The following ABLIM2 variants were observed in gnomAD, a reference collection of about 807,000 sequenced individuals.
ABLIM2 encodes the protein actin-binding LIM protein 2.
In ABLIM2, 53 loss-of-function variants were observed where a neutral mutation model predicts 97.7. The ratio of observed to expected loss-of-function variants is 0.54; its 90% CI spans 0.44 to 0.68. ABLIM2 has a LOEUF of 0.68. Among genes scored for constraint, ABLIM2 ranks in the 30% least tolerant of loss-of-function variants. The probability of loss-of-function intolerance (pLI) is 0.00; values close to 1 mark genes in which losing one functional copy is unlikely to be tolerated. For missense variants in ABLIM2, 835 were observed against 867.2 expected (o/e 0.96, Z 0.47); for synonymous variants, 361 against 345.8 (o/e 1.04, Z -0.49).
intron 3 of ABLIM2, among the ~76,000 whole-genome samples, chr4:8,092,377 T>TA (rs1398535282): frequency 6.6e-6 from 1 of 152,208 alleles, no homozygotes; most frequent in Non-Finnish European, 1.5e-5. Context: ...AAGGGAAAGT[T>TA]AAGCTGGGAA....
chr4:8,121,004 A>G (rs73075964), intron 1 of ABLIM2, among the ~76,000 whole-genome samples: 4,641 of 152,312 alleles, frequency 0.03, 249 homozygotes, highest in African/African-American at 0.11. Context: ...AACATTATAA[A>G]ATCAAAAAAC....
chr4:7,991,023 G>A (rs1179211649), intron 17 of ABLIM2, among the ~76,000 whole-genome samples: 4 of 152,196 alleles, frequency 2.6e-5, no homozygotes, highest in African/African-American at 9.7e-5. Flanking sequence ...GCCAGCTAAC[G>A]CTCTCCTTCC....
rs980251275 is a variant in ABLIM2, at chr4:8,124,470, C to T, written c.11-17833G>A. Reference sequence around the variant, plus strand: ...CAACTGGTCTGTCTCTGTGGATTTGCCTGCTCTGGGCATTTCATGCGAACG... The same window carrying T: ...CAACTGGTCTGTCTCTGTGGATTTGTCTGCTCTGGGCATTTCATGCGAACG... On this transcript the variant is annotated intron_variant, in intron 1 of 20. Transcript: ENST00000447017. The surrounding 1 kb of genome is among the most constrained non-coding windows in gnomAD (Gnocchi z 6.1). Among the ~76,000 whole-genome samples, 1 of 152,246 alleles carries T rather than the reference C, an allele frequency of 6.6e-6. No homozygotes were observed. The highest frequency in any genetic ancestry group is 2.4e-5 in the African/African-American group (1 of 41,452).
intron 14 of ABLIM2, among the ~76,000 whole-genome samples, chr4:8,018,301 A>T (rs538649068): frequency 1.3e-5 from 2 of 152,384 alleles, no homozygotes; most frequent in South Asian, 4.1e-4. Context: ...ACAGCACTCC[A>T]GGCAGGCTGT....
Position 7,986,092 on chromosome 4 carries a change from G to T in ABLIM2, c.1681-1199C>A, listed in dbSNP as rs144245318. On this transcript the variant is annotated intron_variant, in intron 17 of 20. Transcript: ENST00000447017. The surrounding 1 kb of genome is among the most constrained non-coding windows in gnomAD (Gnocchi z 4.3). ...TTCACGCTTCGTTCCCCAGCACCTGGAACGGGGTCTCAAACGGGGTCAGGG... is the reference window on the plus strand; with the variant it reads ...TTCACGCTTCGTTCCCCAGCACCTGTAACGGGGTCTCAAACGGGGTCAGGG... Among the ~76,000 whole-genome samples, 375 of 152,354 alleles carry T rather than the reference G, an allele frequency of 2.5e-3. No homozygotes were observed. The highest frequency in any genetic ancestry group is 8.5e-3 in the African/African-American group (355 of 41,580).
In ABLIM2 at chr4:8,155,699, T is replaced by C. The variant is rs190619659; in HGVS notation, c.10+2981A>G. Among the ~76,000 whole-genome samples, 28 of 152,266 alleles carry C rather than the reference T, an allele frequency of 1.8e-4. No homozygotes were observed. Among genetic ancestry groups the C allele is most frequent in the East Asian group, 7.7e-4 (4 of 5,170 alleles). On this transcript the variant is annotated intron_variant, in intron 1 of 20. Coordinates refer to ENST00000447017, the MANE Select transcript of ABLIM2 (RefSeq NM_001130083.2). This position sits in a 1 kb window ranked among gnomAD's most constrained non-coding sequence, Gnocchi z 4.2. ...GAAACGAGGTCATGAGGGTAGGCTC[T>C]AACCAAGTCTGGCTGGGGTTTTCAT...
chr4:8,071,693 A>AACCCCC lies in ABLIM2; in HGVS notation c.675+5934_675+5935insGGGGGT. 35 of 819,828 alleles carry AACCCCC rather than the reference A, an allele frequency of 4.3e-5. No homozygotes were observed. The highest frequency in any genetic ancestry group is 5.6e-5 in the South Asian group (1 of 17,998). The allele number at this position is 819,828 out of a possible 1,614,324, so 50.8% of individuals were successfully genotyped here. On this transcript the variant is annotated intron_variant, in intron 6 of 20. Coordinates refer to ENST00000447017, the MANE Select transcript of ABLIM2 (RefSeq NM_001130083.2). This position sits in a 1 kb window ranked among gnomAD's most constrained non-coding sequence, Gnocchi z 6.2. Reference sequence around the variant, plus strand: ...ACACCTGACTGCTCTGTCCCCAAAAACCCACCCACCCGCAGCCCCTCCTGG... The same window carrying AACCCCC: ...ACACCTGACTGCTCTGTCCCCAAAAAACCCCCCCCACCCACCCGCAGCCCCTCCTGG...
At chr4:8,098,609 C>T (rs560265289) in intron 2 of ABLIM2, among the ~76,000 whole-genome samples, 6 of 152,304 alleles carry the variant, frequency 3.9e-5, no homozygotes, top group East Asian at 1.9e-4. Flanking sequence ...TATGGTGAGA[C>T]GTCAACCGAG....
At chr4:8,137,537 C>T (rs1328584217) in intron 1 of ABLIM2, among the ~76,000 whole-genome samples, 2 of 152,212 alleles carry the variant, frequency 1.3e-5, no homozygotes, top group Admixed American at 6.5e-5. Flanking sequence ...AGGGCCTGGC[C>T]CTCATGGGAG....
intron 7 of ABLIM2, among the ~76,000 whole-genome samples, chr4:8,057,188 T>G (rs1355613489): frequency 6.8e-6 from 1 of 147,412 alleles, no homozygotes; most frequent in East Asian, 2.2e-4. Flanking sequence ...AACCTCTGCC[T>G]CCCAGGTTCA....
chr4:8,127,809 TCC>T lies in ABLIM2; in HGVS notation c.11-21174_11-21173del. 1.8e-5 allele frequency: 13 copies of T among 716,248 alleles called. No homozygotes were observed. Among genetic ancestry groups the T allele is most frequent in the Admixed American group, 7.8e-5 (1 of 12,882 alleles). 44.4% of individuals were successfully genotyped at this position (716,248 alleles called of 1,614,324 possible). ...ACTATGCGCCAGAGACACACCTGTC[TCC>T]CAGGCATCCGGGAAAGGGGCTCTGA... On this transcript the variant is annotated intron_variant, in intron 1 of 20. Coordinates refer to ENST00000447017, the MANE Select transcript of ABLIM2 (RefSeq NM_001130083.2). The surrounding 1 kb of genome is among the most constrained non-coding windows in gnomAD (Gnocchi z 7.3).
intron 8 of ABLIM2, among the ~76,000 whole-genome samples, chr4:8,052,748 G>A (rs1339329787): frequency 1.3e-5 from 2 of 152,214 alleles, no homozygotes; most frequent in South Asian, 2.1e-4. Context: ...GGCCTGCATC[G>A]GAATGCTGTC....
Position 8,071,653 on chromosome 4 carries a change from TG to T in ABLIM2, c.675+5974del, listed in dbSNP as rs534294247. 8.5e-3 allele frequency: 8,086 copies of T among 956,426 alleles called. 36 individuals are homozygous for T. Among genetic ancestry groups the T allele is most frequent in the Non-Finnish European group, 9.4e-3 (7,577 of 803,494 alleles). 59.2% of individuals were successfully genotyped at this position (956,426 alleles called of 1,614,324 possible). The stretch of plus-strand genomic sequence containing the variant: ...GGCAAAACGGGGGTGGGGGAACAGG[TG>T]GCTCCGAGGTCTCACACCTGACTGC... On this transcript the variant is annotated intron_variant, in intron 6 of 20. Transcript: ENST00000447017. This position sits in a 1 kb window ranked among gnomAD's most constrained non-coding sequence, Gnocchi z 6.2.
In ABLIM2 at chr4:8,120,647, C is replaced by A. The variant is rs894634874; in HGVS notation, c.11-14010G>T. Among the ~76,000 whole-genome samples, 1 of 152,238 alleles carries A rather than the reference C, an allele frequency of 6.6e-6. No individual in the cohort carries two copies. Among genetic ancestry groups the A allele is most frequent in the African/African-American group, 2.4e-5 (1 of 41,468 alleles). On this transcript the variant is annotated intron_variant, in intron 1 of 20. Transcript: ENST00000447017. The surrounding 1 kb of genome is among the most constrained non-coding windows in gnomAD (Gnocchi z 5.6). Reference sequence around the variant, plus strand: ...GCACATCTGCCAGTCCAGCCCCCATCTGTGTGCTCTGTCGTGGGAGCATGG... The same window carrying A: ...GCACATCTGCCAGTCCAGCCCCCATATGTGTGCTCTGTCGTGGGAGCATGG...
intron 9 of ABLIM2, among the ~76,000 whole-genome samples, chr4:8,040,847 G>A (rs560225424): frequency 6.6e-6 from 1 of 152,282 alleles, no homozygotes; most frequent in South Asian, 2.1e-4. Context: ...TGGAGCACGT[G>A]TCAGAATTGG....
At chr4:8,057,371 C>T (rs1465180902) in intron 7 of ABLIM2, among the ~76,000 whole-genome samples, 2 of 152,222 alleles carry the variant, frequency 1.3e-5, no homozygotes, top group South Asian at 2.1e-4. Flanking sequence ...CAGGCATGAG[C>T]CACTGCACCT....
intron 1 of ABLIM2, among the ~76,000 whole-genome samples, chr4:8,121,312 G>A (rs1398912135): frequency 6.6e-6 from 1 of 152,384 alleles, no homozygotes; most frequent in East Asian, 1.9e-4. Flanking sequence ...CGCTCAGGCT[G>A]GCTGTGGGCT....
chr4:8,117,911 G>A (rs1843508470), intron 1 of ABLIM2, among the ~76,000 whole-genome samples: 1 of 152,228 alleles, frequency 6.6e-6, no homozygotes, highest in Admixed American at 6.5e-5. Flanking sequence ...GTGATCAACT[G>A]TAAAGCTCAG....
chr4:8,090,647 CATT>C (rs1235107471), intron 3 of ABLIM2, among the ~76,000 whole-genome samples: 1 of 152,198 alleles, frequency 6.6e-6, no homozygotes. Context: ...CCGTGATCAT[CATT>C]GTCACCATGG....
Sources: gnomAD v4.1 joint callset for allele counts (sites outside exome capture counted in the v4.1 genomes callset) on GRCh38, gnomAD v4.1.1 for gene constraint, Gnocchi (gnomAD v3.1) non-coding constraint, MANE v1.5 for transcripts, NCBI Gene and HGNC (gene_info 2026-07-23, HGNC 2026-07-21) for gene names.